TUBB4B: variants seen among roughly 807,000 people sequenced by gnomAD.
TUBB4B encodes the protein tubulin beta 4B class IVb, also known as tubulin beta-4B chain.
In TUBB4B, 7 loss-of-function variants were observed where a neutral mutation model predicts 34.3. The observed-to-expected ratio is 0.20, with a 90% CI of 0.12 to 0.38. The LOEUF (loss-of-function observed/expected upper bound fraction) is 0.38, where lower values mean the gene tolerates loss of function less well. TUBB4B is among the 10% of genes least tolerant of loss of function. The pLI is 1.00. For synonymous variants in TUBB4B, 390 were observed against 250.2 expected (o/e 1.56, Z -5.27); for missense variants, 178 against 610.9 (o/e 0.29, Z 7.47).
chr9:137,242,050 G>A, intron 3 of TUBB4B, 29 bp downstream of exon 3: 1 of 1,602,652 alleles, frequency 6.2e-7, no homozygotes, highest in African/African-American at 1.3e-5. Context: ...CTGGGCGGCG[G>A]CTCAAAGGTC....
At chr9:137,242,333 G>T in intron 3 of TUBB4B, 163 bp from the exon 4 acceptor site, 1 of 860,216 alleles carries the variant, frequency 1.2e-6, no homozygotes, top group South Asian at 1.8e-5. Context: ...TTAATTCGTA[G>T]CAGGGCAGGC....
Position 137,241,693 on chromosome 9 carries a change from C to T in TUBB4B, c.58-28C>T, listed in dbSNP as rs770173422. ...CGGCCGCGGTGACTCAGCCCCGGCC[C>T]GCCCGGGCCCGCCCGCGTCCCTTGT... On this transcript the variant is annotated intron_variant, in intron 1 of 3. Transcript: ENST00000340384. The T allele has an allele frequency of 2.3e-5, 37 of 1,594,478 alleles. No individual in the cohort carries two copies. The Admixed American group carries it at 5.2e-4, about 23-fold the overall frequency.
chr9:137,242,307 A>G (rs1005225083), intron 3 of TUBB4B, 189 bp from the exon 4 acceptor site: 11 of 744,996 alleles, frequency 1.5e-5, no homozygotes, highest in Non-Finnish European at 2.1e-5. Flanking sequence ...TTAAGCTGTC[A>G]GGTTTGGCCC....
At chr9:137,242,350 CTT>C (rs2131434094) in intron 3 of TUBB4B, 144 bp from the exon 4 acceptor site, 1 of 998,482 alleles carries the variant, frequency 1.0e-6, no homozygotes. Flanking sequence ...AGGCTGCCGT[CTT>C]TTGGCTTTGA....
Position 137,242,476 on chromosome 9 carries a change from T to C in TUBB4B, c.278-20T>C, listed in dbSNP as rs1836777386. 6.2e-7 allele frequency: 1 copy of C among 1,606,274 alleles called. No homozygotes were observed. Among genetic ancestry groups the C allele is most frequent in the South Asian group, 1.1e-5 (1 of 90,504 alleles). ...TGCTGTCTACCTGGCTGACAAATGATTAGCTGTGTTCTCTCACAGGTCAGA... is the reference window on the plus strand; with the variant it reads ...TGCTGTCTACCTGGCTGACAAATGACTAGCTGTGTTCTCTCACAGGTCAGA... On this transcript the variant is annotated intron_variant, in intron 3 of 3. Transcript: ENST00000340384.
chr9:137,242,453 C>T (rs779989629), intron 3 of TUBB4B, 43 bp from the exon 4 acceptor site: 19 of 1,591,880 alleles, frequency 1.2e-5, no homozygotes, highest in South Asian at 2.3e-5. Context: ...ACCAGTAGTG[C>T]TGTCTACCTG....
In TUBB4B at chr9:137,243,304, A is replaced by G. The variant is rs746005017; in HGVS notation, c.1086A>G (p.Lys362=). 6.2e-6 allele frequency: 10 copies of G among 1,613,616 alleles called. No homozygotes were observed. Among genetic ancestry groups the G allele is most frequent in the Non-Finnish European group, 8.5e-6 (10 of 1,180,014 alleles). ...AVCDIPPRGL[K]MSATFIGNST... ...GTGACATCCCACCTCGGGGGCTAAAAATGTCCGCCACCTTCATTGGCAACA... is the reference window on the plus strand; with the variant it reads ...GTGACATCCCACCTCGGGGGCTAAAGATGTCCGCCACCTTCATTGGCAACA... Residue 362 remains lysine, a synonymous_variant, in exon 4 of 4, where the codon AAA becomes AAG. Coordinates refer to ENST00000340384, the MANE Select transcript of TUBB4B (RefSeq NM_006088.6).
intron 3 of TUBB4B, chr9:137,242,225 G>T (rs1228180902): frequency 1.2e-5 from 8 of 666,142 alleles, no homozygotes; most frequent in Non-Finnish European, 2.0e-5. Context: ...CTCCCTGCAG[G>T]GAGCTGAGCT....
chr9:137,242,026 G>T lies in TUBB4B; in HGVS notation c.277+5G>T. On this transcript the variant is annotated splice_donor_5th_base_variant and intron_variant, in intron 3 of 3. Coordinates refer to ENST00000340384, the MANE Select transcript of TUBB4B (RefSeq NM_006088.6). ...GGCCGGACAACTTCGTTTTCGGTGAGCCGTGGCTGGGGACTGGGCGGCGGC... is the reference window on the plus strand; with the variant it reads ...GGCCGGACAACTTCGTTTTCGGTGATCCGTGGCTGGGGACTGGGCGGCGGC... 2.5e-6 allele frequency: 4 copies of T among 1,610,142 alleles called. No homozygotes were observed. The highest frequency in any genetic ancestry group is 3.4e-6 in the Non-Finnish European group (4 of 1,179,500).
In TUBB4B at chr9:137,241,805, A is replaced by G; in HGVS notation, c.142A>G (p.Asn48Asp). ...GDSDLQLERI[N>D]VYYNEATGGK... Reference sequence around the variant, plus strand: ...CAGCGACCTGCAGCTGGAACGCATCAACGTGTACTACAATGAGGCCACCGG... The same window carrying G: ...CAGCGACCTGCAGCTGGAACGCATCGACGTGTACTACAATGAGGCCACCGG... Residue 48 changes from asparagine to aspartate, a missense_variant, in exon 2 of 4, where the codon AAC (asparagine) becomes GAC (aspartate). Physicochemically the swap from Asn to Asp is conservative, Grantham distance 23. Coordinates refer to ENST00000340384, the MANE Select transcript of TUBB4B (RefSeq NM_006088.6). 1.2e-6 allele frequency: 2 copies of G among 1,612,290 alleles called. No homozygotes were observed. The highest frequency in any genetic ancestry group is 1.7e-6 in the Non-Finnish European group (2 of 1,179,586).
chr9:137,241,553 G>A (rs1836742285), intron 1 of TUBB4B, 136 bp downstream of exon 1: 5 of 899,398 alleles, frequency 5.6e-6, no homozygotes, highest in South Asian at 1.0e-4. Context: ...GGAATTGGCC[G>A]AGCCGGGCGA....
At chr9:137,241,452 G>A (rs1413345730) in intron 1 of TUBB4B, 35 bp downstream of exon 1, 3 of 1,526,350 alleles carry the variant, frequency 2.0e-6, no homozygotes, top group Non-Finnish European at 2.6e-6. Flanking sequence ...AGGCGGGCCT[G>A]CCGGGCGGTG....
intron 1 of TUBB4B, 77 bp downstream of exon 1, chr9:137,241,494 A>T: frequency 1.7e-6 from 2 of 1,191,398 alleles, no homozygotes; most frequent in Non-Finnish European, 2.1e-6. Context: ...TGGCGGCAGC[A>T]GCGGCCGGGC....
At chr9:137,242,172 G>A (rs565156557) in intron 3 of TUBB4B, 151 bp downstream of exon 3, 7 of 811,926 alleles carry the variant, frequency 8.6e-6, no homozygotes, top group African/African-American at 3.5e-5. Context: ...TTGGGAGCAA[G>A]GTCCAGCTGT....
At chr9:137,241,479 G>A (rs1486951460) in intron 1 of TUBB4B, 62 bp downstream of exon 1, 16 of 1,321,722 alleles carry the variant, frequency 1.2e-5, no homozygotes, top group Middle Eastern at 5.4e-4. Context: ...GGCGGCCGGG[G>A]AAGATGGCGG....
In TUBB4B at chr9:137,243,232, C is replaced by T. The variant is rs1260048153; in HGVS notation, c.1014C>T (p.Ser338=). The change falls in exon 4 of 4, where the codon AGC becomes AGT. Residue 338 remains serine (S), a synonymous_variant. Transcript: ENST00000340384. ...TGCTTAATGTCCAAAACAAAAACAGCAGCTATTTTGTTGAGTGGATCCCCA... is the reference window on the plus strand; with the variant it reads ...TGCTTAATGTCCAAAACAAAAACAGTAGCTATTTTGTTGAGTGGATCCCCA... ...EQMLNVQNKN[S]SYFVEWIPNN... 5.6e-6 allele frequency: 9 copies of T among 1,613,386 alleles called. No individual in the cohort carries two copies. Among genetic ancestry groups the T allele is most frequent in the East Asian group, 2.2e-5 (1 of 44,894 alleles).
intron 3 of TUBB4B, chr9:137,242,245 G>A: frequency 1.5e-6 from 1 of 658,626 alleles, no homozygotes; most frequent in Non-Finnish European, 2.6e-6. Flanking sequence ...TGGGGCAGTG[G>A]CTGTTCCTCT....
In TUBB4B at chr9:137,243,164, G is replaced by A. The variant is rs750343160; in HGVS notation, c.946G>A (p.Val316Met). The A allele has an allele frequency of 6.2e-6, 10 of 1,613,102 alleles. No homozygotes were observed. Among genetic ancestry groups the A allele is most frequent in the Non-Finnish European group, 7.6e-6 (9 of 1,179,986 alleles). The change falls in exon 4 of 4, where the codon GTG (valine) becomes ATG (methionine). Residue 316 changes from valine to methionine, a missense_variant. Coordinates refer to ENST00000340384, the MANE Select transcript of TUBB4B (RefSeq NM_006088.6). ...TGGCCGCTACCTGACGGTTGCCGCC[G>A]TGTTCAGGGGCCGCATGTCCATGAA... The part of the protein sequence containing the change: ...RHGRYLTVAA[V>M]FRGRMSMKEV...
Position 137,242,483 on chromosome 9 carries a change from T to G in TUBB4B, c.278-13T>G. 1 of 1,609,048 alleles carries G rather than the reference T, an allele frequency of 6.2e-7. No individual in the cohort carries two copies. The highest frequency in any genetic ancestry group is 1.1e-5 in the South Asian group (1 of 90,742). On this transcript the variant is annotated splice_polypyrimidine_tract_variant and intron_variant, in intron 3 of 3. Transcript: ENST00000340384. ...TACCTGGCTGACAAATGATTAGCTG[T>G]GTTCTCTCACAGGTCAGAGTGGTGC...
Sources: allele counts gnomAD v4.1 joint callset, GRCh38; gene constraint gnomAD v4.1.1; transcripts MANE v1.5; gene names NCBI Gene and HGNC (gene_info 2026-07-23, HGNC 2026-07-21).